Variants in FRMD1 observed in about 807,000 individuals in gnomAD.
FRMD1 encodes the protein FERM domain containing 1, also known as FERM domain-containing protein 1.
In FRMD1, 51 loss-of-function variants were observed where a neutral mutation model predicts 54.9. The ratio of observed to expected loss-of-function variants is 0.93; its 90% CI spans 0.74 to 1.17. FRMD1 has a LOEUF of 1.17. FRMD1 is among the 50% of genes most tolerant of loss of function. The pLI, the probability that FRMD1 is intolerant of heterozygous loss-of-function variation, is 0.00. For synonymous variants in FRMD1, 324 were observed against 306.4 expected (o/e 1.06, Z -0.60); for missense variants, 729 against 743.0 (o/e 0.98, Z 0.22).
intron 2 of FRMD1, among the ~76,000 whole-genome samples, chr6:168,074,327 G>A (rs566091360): frequency 6.6e-6 from 1 of 152,286 alleles, no homozygotes; most frequent in African/African-American, 2.4e-5. Context: ...AGCCCCTGGA[G>A]CCAACTGCCC....
At chr6:168,084,518 G>A (rs1347649098), upstream of FRMD1, among the ~76,000 whole-genome samples, 2 of 152,170 alleles carry the variant, frequency 1.3e-5, no homozygotes, top group African/African-American at 4.8e-5. Flanking sequence ...GGTGCCCCTG[G>A]ACCAAGAAGA....
intron 1 of FRMD1, among the ~76,000 whole-genome samples, chr6:168,087,145 G>A (rs1360662484): frequency 6.6e-6 from 1 of 151,686 alleles, no homozygotes; most frequent in African/African-American, 2.4e-5. Flanking sequence ...TTGGCTCACT[G>A]TAACCCCTGC....
At chr6:168,083,032 G>A (rs1252991072), upstream of FRMD1, among the ~76,000 whole-genome samples, 1 of 152,234 alleles carries the variant, frequency 6.6e-6, no homozygotes, top group Non-Finnish European at 1.5e-5. Flanking sequence ...CTCACCCGTG[G>A]TGAGTTTACA....
intron 1 of FRMD1, among the ~76,000 whole-genome samples, 187 bp from the exon 2 acceptor site, chr6:168,075,522 G>C (rs910364736): frequency 2.0e-5 from 3 of 152,146 alleles, no homozygotes; most frequent in African/African-American, 7.2e-5. Context: ...CAGAGCACCT[G>C]TGAGTGCCGG....
intron 10 of FRMD1, among the ~76,000 whole-genome samples, chr6:168,058,449 C>G (rs906762456): frequency 6.6e-6 from 1 of 152,086 alleles, no homozygotes; most frequent in African/African-American, 2.4e-5. Flanking sequence ...TCTCTCCATC[C>G]AGCATCACGA....
upstream of FRMD1, among the ~76,000 whole-genome samples, chr6:168,084,226 G>A (rs1800882298): frequency 1.3e-5 from 2 of 152,198 alleles, no homozygotes; most frequent in South Asian, 4.1e-4. Context: ...TTAGACGGAA[G>A]CCTGGGGCAT....
At chr6:168,080,664 G>T (rs1800802522), upstream of FRMD1, among the ~76,000 whole-genome samples, 1 of 152,106 alleles carries the variant, frequency 6.6e-6, no homozygotes, top group Admixed American at 6.5e-5. Flanking sequence ...AGGGTTGGGG[G>T]GTGGCAGAAC....
At chr6:168,086,324 A>G (rs576991975), upstream of FRMD1, among the ~76,000 whole-genome samples, 24 of 151,080 alleles carry the variant, frequency 1.6e-4, no homozygotes, top group Admixed American at 1.4e-3. Flanking sequence ...CCACATCTTC[A>G]GTGTGGACAC....
In FRMD1 at chr6:168,075,888, CGGCG is replaced by C. The variant is rs1800570983; in HGVS notation, c.214-557_214-554del. ...TTCCGGTGCCCGGTGTCCACATTTCCGGCGTCCCGTGTCCACATTTCCGGTGCCC... is the reference window on the plus strand; with the variant it reads ...TTCCGGTGCCCGGTGTCCACATTTCCTCCCGTGTCCACATTTCCGGTGCCC... On this transcript the variant is annotated intron_variant, in intron 1 of 10. Coordinates refer to ENST00000283309, the MANE Select transcript of FRMD1 (RefSeq NM_024919.6). 10 of 297,794 alleles carry C rather than the reference CGGCG, an allele frequency of 3.4e-5. 4 individuals carry two copies. The highest frequency in any genetic ancestry group is 1.3e-4 in the South Asian group (2 of 15,562). 18.4% of individuals were successfully genotyped at this position (297,794 alleles called of 1,614,324 possible). A position where few individuals can be genotyped will look rare whatever the true frequency, so the allele number is the denominator to read the frequency against.
chr6:168,083,815 G>A (rs1776170745), upstream of FRMD1, among the ~76,000 whole-genome samples: 1 of 152,228 alleles, frequency 6.6e-6, no homozygotes, highest in African/African-American at 2.4e-5. Flanking sequence ...GAGCCAGGAG[G>A]GCAGGAAGAT....
At chr6:168,062,234 C>T (rs958043844) in intron 7 of FRMD1, among the ~76,000 whole-genome samples, 1 of 152,186 alleles carries the variant, frequency 6.6e-6, no homozygotes, top group Admixed American at 6.5e-5. Flanking sequence ...TGGGGTGGGA[C>T]AGGAAGACCT....
At chr6:168,060,682 G>C (rs1799673105) in intron 9 of FRMD1, 79 bp downstream of exon 9, 2 of 1,444,712 alleles carry the variant, frequency 1.4e-6, no homozygotes, top group South Asian at 2.6e-5. Flanking sequence ...TGCTGCCTCG[G>C]TGTCCAGGGT....
intron 2 of FRMD1, among the ~76,000 whole-genome samples, chr6:168,070,755 C>T (rs1002095580): frequency 2.6e-5 from 4 of 152,194 alleles, no homozygotes; most frequent in African/African-American, 4.8e-5. Context: ...CATACGCATA[C>T]ATCTGTCAGG....
chr6:168,086,375 G>A (rs559696543), upstream of FRMD1, among the ~76,000 whole-genome samples: 3 of 150,472 alleles, frequency 2.0e-5, no homozygotes, highest in Non-Finnish European at 2.9e-5. Flanking sequence ...CACTGCCCAT[G>A]TTCCAGCATG....
chr6:168,061,042 C>A lies in FRMD1; in HGVS notation c.1061G>T (p.Arg354Leu). 1 of 1,608,742 alleles carries A rather than the reference C, an allele frequency of 6.2e-7. No homozygotes were observed. The highest frequency in any genetic ancestry group is 1.1e-5 in the South Asian group (1 of 90,990). Residue 354 changes from arginine to leucine, a missense_variant, in exon 9 of 11, where the codon CGG (arginine) becomes CTG (leucine). By Grantham distance (102) the Arg-to-Leu change is moderately radical. Coordinates refer to ENST00000283309, the MANE Select transcript of FRMD1 (RefSeq NM_024919.6). Reference protein sequence around the residue: ...REEAEEKQHYRESYISDELEL... With the variant: ...REEAEEKQHYLESYISDELEL... ...CAGCTCATCGCTGATATAGGACTCC[C>A]GGTAGTGCTGCTTCTCTGTGGGGAG...
In FRMD1 at chr6:168,061,051, TG is replaced by T; in HGVS notation, c.1051del (p.Gln351SerfsTer123). 1 of 1,607,170 alleles carries T rather than the reference TG, an allele frequency of 6.2e-7. No homozygotes were observed. Among genetic ancestry groups the T allele is most frequent in the Non-Finnish European group, 8.5e-7 (1 of 1,175,630 alleles). On this transcript the variant is annotated frameshift_variant, in exon 9 of 11. Coordinates refer to ENST00000283309, the MANE Select transcript of FRMD1 (RefSeq NM_024919.6). LOFTEE classifies it high-confidence loss of function. The stretch of plus-strand genomic sequence containing the variant: ...GCTGATATAGGACTCCCGGTAGTGC[TG>T]CTTCTCTGTGGGGAGTGGGGAGCAC... Reference protein sequence around the residue: ...LRQREEAEEKQHYRESYISDE... With the variant: ...LRQREEAEEKXHYRESYISDE...
chr6:168,070,545 G>A (rs549903952), intron 2 of FRMD1, among the ~76,000 whole-genome samples: 2 of 152,212 alleles, frequency 1.3e-5, no homozygotes, highest in African/African-American at 2.4e-5. Flanking sequence ...GATGGCCCTC[G>A]GACCCAAGAT....
upstream of FRMD1, among the ~76,000 whole-genome samples, chr6:168,086,046 C>T (rs1298563635): frequency 6.6e-6 from 1 of 152,268 alleles, no homozygotes; most frequent in African/African-American, 2.4e-5. Flanking sequence ...CCGTACCTCC[C>T]TGTCATGAGG....
At position 168,061,897 on chromosome 6, in the gene FRMD1, G is replaced by A. The variant is rs2114963489; in HGVS notation, c.955C>T (p.His319Tyr). Residue 319 changes from histidine (H) to tyrosine (Y), a missense_variant, in exon 8 of 11, where the codon CAC becomes TAC. His to Tyr is a moderately conservative substitution (Grantham distance 83). Coordinates refer to ENST00000283309, the MANE Select transcript of FRMD1 (RefSeq NM_024919.6). The part of the protein sequence containing the change: ...YYTGCTWRSR[H>Y]LLHLLRASHQ... ...CTGGCGCGCAGCAGGTGCAGCAGGT[G>A]CCTGGACCGCCAGGTGCACCCCGTG... The A allele has an allele frequency of 5.6e-6, 9 of 1,595,426 alleles. No homozygotes were observed. The highest frequency in any genetic ancestry group is 4.6e-5 in the East Asian group (2 of 43,828).
Sources: gnomAD v4.1 joint callset for allele counts (sites outside exome capture counted in the v4.1 genomes callset) on GRCh38, gnomAD v4.1.1 for gene constraint, MANE v1.5 for transcripts, NCBI Gene and HGNC (gene_info 2026-07-23, HGNC 2026-07-21) for gene names.